LAMA4: variants seen among roughly 807,000 people sequenced by gnomAD.
LAMA4 encodes laminin subunit alpha-4.
Under a neutral mutation model 207.1 loss-of-function variants are expected in LAMA4, and 127 were observed. The observed-to-expected ratio is 0.61, with a 90% CI of 0.53 to 0.71. LAMA4 has a LOEUF of 0.71. Among genes scored for constraint, LAMA4 ranks in the 30% least tolerant of loss-of-function variants. The pLI is 0.00. For synonymous variants in LAMA4, 761 were observed against 816.0 expected (o/e 0.93, Z 1.15); for missense variants, 2,093 against 2,246.5 (o/e 0.93, Z 1.38).
In LAMA4 at chr6:112,133,486, C is replaced by T. The variant is rs781943786; in HGVS notation, c.3559G>A (p.Ala1187Thr). The T allele has an allele frequency of 3.1e-6, 5 of 1,613,284 alleles. No homozygotes were observed. The highest frequency in any genetic ancestry group is 1.6e-4 in the Middle Eastern group (1 of 6,080). The change falls in exon 27 of 39, where the codon GCC becomes ACC. Residue 1187 changes from alanine (A) to threonine (T), a missense_variant and splice_region_variant. By Grantham distance (58) the Ala-to-Thr change is moderately conservative. This residue lies in a region of LAMA4 where 1,704 missense variants were observed against 1,788.4 expected (regional missense o/e 0.95). Coordinates refer to ENST00000230538, the MANE Select transcript of LAMA4 (RefSeq NM_001105206.3). ...TCTAGGGGAAGGTGTGCTCTGAGGGCCCTGGAAAAGAAAGTCAGCCTCACT... is the reference window on the plus strand; with the variant it reads ...TCTAGGGGAAGGTGTGCTCTGAGGGTCCTGGAAAAGAAAGTCAGCCTCACT... Reference protein sequence around the residue: ...GAPPEILQSRALRAHLPLDIN... With the variant: ...GAPPEILQSRTLRAHLPLDIN...
intron 16 of LAMA4, among the ~76,000 whole-genome samples, chr6:112,151,340 C>T (rs1358294491): frequency 2.6e-5 from 4 of 152,066 alleles, no homozygotes; most frequent in African/African-American, 9.7e-5. Flanking sequence ...TGTCTTCCAG[C>T]TTTGTTTTTA....
At chr6:112,175,960 G>T (rs1180367588) in intron 10 of LAMA4, among the ~76,000 whole-genome samples, 7 of 152,186 alleles carry the variant, frequency 4.6e-5, no homozygotes, top group African/African-American at 1.4e-4. Context: ...TTGTATTTTA[G>T]ACAAAGATTT....
At chr6:112,251,179 G>T (rs1001764427) in intron 2 of LAMA4, 17 of 152,250 alleles carry the variant, frequency 1.1e-4, no homozygotes, top group Non-Finnish European at 1.6e-4. Flanking sequence ...CTTTGCATCT[G>T]GGGGGAAGCT....
intron 11 of LAMA4, 128 bp downstream of exon 11, chr6:112,175,185 T>G: frequency 1.1e-6 from 1 of 914,668 alleles, no homozygotes; most frequent in Admixed American, 1.9e-5. Context: ...CACATGTAGA[T>G]TCTAAATAGT....
chr6:112,152,215 A>G (rs1210732846), intron 16 of LAMA4, among the ~76,000 whole-genome samples: 4 of 152,126 alleles, frequency 2.6e-5, no homozygotes, highest in African/African-American at 9.7e-5. Flanking sequence ...AAGAGCTCGT[A>G]TAAAAGTGGT....
intron 2 of LAMA4, among the ~76,000 whole-genome samples, chr6:112,226,103 T>C (rs1554362388): frequency 2.0e-5 from 3 of 152,162 alleles, no homozygotes; most frequent in African/African-American, 7.2e-5. Context: ...GTTCAGGATC[T>C]TGGTGTTTCT....
rs1562643089 is a variant in LAMA4 at position 112,132,828 on chromosome 6, G to T, written c.3759C>A (p.Phe1253Leu). 2 of 1,612,502 alleles carry T rather than the reference G, an allele frequency of 1.2e-6. No individual in the cohort carries two copies. The highest frequency in any genetic ancestry group is 1.1e-5 in the South Asian group (1 of 91,044). Residue 1253 changes from phenylalanine (F) to leucine (L), a missense_variant, in exon 28 of 39, where the codon TTC becomes TTA. Physicochemically the swap from Phe to Leu is conservative, Grantham distance 22 (BLOSUM62 0). Around this residue, in one of 3 missense-constraint regions of LAMA4, gnomAD observed 1,704 missense variants for 1,788.4 expected, o/e 0.95. Coordinates refer to ENST00000230538, the MANE Select transcript of LAMA4 (RefSeq NM_001105206.3). ...SFIASIQKIS[F>L]FDGFEGGFNF... is the part of the protein sequence containing the mutation. ...TAAAACCTCCTTCAAAGCCATCAAA[G>T]AAAGATATTTTCTGAATTGAAGCAA...
intron 38 of LAMA4, among the ~76,000 whole-genome samples, chr6:112,113,729 A>G (rs1309171824): frequency 6.6e-6 from 1 of 152,162 alleles, no homozygotes; most frequent in Non-Finnish European, 1.5e-5. Context: ...TAATCCTCCA[A>G]AGTTCTCAGA....
intron 23 of LAMA4, 110 bp from the exon 24 acceptor site, chr6:112,139,401 T>A: frequency 8.7e-7 from 1 of 1,154,526 alleles, no homozygotes; most frequent in Non-Finnish European, 1.3e-6. Flanking sequence ...TTACAACATT[T>A]AAATGAAGTC....
intron 24 of LAMA4, among the ~76,000 whole-genome samples, chr6:112,138,167 C>A (rs1779469431): frequency 6.6e-6 from 1 of 152,032 alleles, no homozygotes; most frequent in African/African-American, 2.4e-5. Context: ...GCTTTGAACC[C>A]TTTTATTAAA....
chr6:112,206,172 T>C (rs1554354148), intron 4 of LAMA4, among the ~76,000 whole-genome samples: 1 of 152,208 alleles, frequency 6.6e-6, no homozygotes, highest in African/African-American at 2.4e-5. Context: ...GGGATCCTTC[T>C]CAAATTTACA....
At chr6:112,173,999 T>TA (rs1781871916) in intron 11 of LAMA4, among the ~76,000 whole-genome samples, 1 of 152,258 alleles carries the variant, frequency 6.6e-6, no homozygotes, top group South Asian at 2.1e-4. Context: ...AAGGTGGATC[T>TA]AATAGTTACC....
intron 3 of LAMA4, among the ~76,000 whole-genome samples, chr6:112,212,969 T>G (rs1784434964): frequency 6.6e-6 from 1 of 152,232 alleles, no homozygotes; most frequent in African/African-American, 2.4e-5. Flanking sequence ...ATACCTTTGT[T>G]TTCCTGAATA....
intron 13 of LAMA4, among the ~76,000 whole-genome samples, chr6:112,163,081 C>G (rs1352780866): frequency 6.6e-6 from 1 of 151,416 alleles, no homozygotes; most frequent in Non-Finnish European, 1.5e-5. Context: ...AAGTGATCCT[C>G]CCATCTCAGC....
intron 4 of LAMA4, among the ~76,000 whole-genome samples, chr6:112,203,604 C>G (rs1554353243): frequency 6.6e-6 from 1 of 152,164 alleles, no homozygotes; most frequent in Non-Finnish European, 1.5e-5. Flanking sequence ...AATATTTGTT[C>G]TGTTCCATGA....
At chr6:112,239,712 T>G (rs1386791169) in intron 2 of LAMA4, among the ~76,000 whole-genome samples, 3 of 152,196 alleles carry the variant, frequency 2.0e-5, no homozygotes, top group Non-Finnish European at 4.4e-5. Context: ...AACTCACTAT[T>G]TCAGACAAAT....
chr6:112,253,717 A>T, intron 2 of LAMA4: 1 of 1,599,546 alleles, frequency 6.3e-7, no homozygotes, highest in South Asian at 1.1e-5. Context: ...GCACCAACAC[A>T]TGCACTCTCA....
chr6:112,223,202 A>C (rs1785021529), intron 2 of LAMA4, among the ~76,000 whole-genome samples: 2 of 152,134 alleles, frequency 1.3e-5, no homozygotes, highest in South Asian at 4.1e-4. Flanking sequence ...TACATCTGAA[A>C]ACTGACTCAG....
chr6:112,170,456 A>T (rs1193409745), intron 12 of LAMA4, among the ~76,000 whole-genome samples: 2 of 152,192 alleles, frequency 1.3e-5, no homozygotes, highest in Non-Finnish European at 2.9e-5. Flanking sequence ...AATGCTCTTA[A>T]TCTTCTTTGG....
Sources: allele counts gnomAD v4.1 joint callset (sites outside exome capture counted in the v4.1 genomes callset), GRCh38; gene constraint gnomAD v4.1.1; regional missense constraint gnomAD v4.1.1; transcripts MANE v1.5; gene names NCBI Gene and HGNC (gene_info 2026-07-23, HGNC 2026-07-21).